ALK: variants seen among roughly 807,000 people sequenced by gnomAD.
The protein encoded by ALK is ALK receptor tyrosine kinase.
In ALK, 74 loss-of-function variants were observed where a neutral mutation model predicts 163.1. The ratio of observed to expected loss-of-function variants is 0.45; its 90% CI spans 0.38 to 0.55. The LOEUF is 0.55. ALK is among the 20% of genes least tolerant of loss of function. The pLI, the probability that ALK is intolerant of heterozygous loss-of-function variation, is 0.00. For missense variants in ALK, 2,063 were observed against 2,105.3 expected (o/e 0.98, Z 0.39); for synonymous variants, 960 against 843.2 (o/e 1.14, Z -2.40).
chr2:29,498,443 T>A (rs1453154226), intron 4 of ALK, among the ~76,000 whole-genome samples: 1 of 152,078 alleles, frequency 6.6e-6, no homozygotes, highest in African/African-American at 2.4e-5. Flanking sequence ...ATAGAGGAAA[T>A]TACTGATGCT....
At chr2:29,326,914 T>C (rs945309165) in intron 6 of ALK, among the ~76,000 whole-genome samples, 1 of 152,244 alleles carries the variant, frequency 6.6e-6, no homozygotes, top group Non-Finnish European at 1.5e-5. Flanking sequence ...GCTCCGGGTC[T>C]GGGCCCCACC....
chr2:29,719,742 GAAGTCC>G (rs1191358102), intron 1 of ALK, among the ~76,000 whole-genome samples: 1 of 152,142 alleles, frequency 6.6e-6, no homozygotes, highest in African/African-American at 2.4e-5. Flanking sequence ...AACTGACACT[GAAGTCC>G]AAGCTCCTTT....
intron 3 of ALK, among the ~76,000 whole-genome samples, chr2:29,666,264 G>A (rs565077193): frequency 5.3e-5 from 8 of 151,632 alleles, no homozygotes; most frequent in Non-Finnish European, 1.2e-4. Context: ...CTTAATATTT[G>A]TTCCACTATA....
At chr2:29,334,491 C>T (rs538715249) in intron 5 of ALK, among the ~76,000 whole-genome samples, 17 of 152,296 alleles carry the variant, frequency 1.1e-4, no homozygotes, top group Admixed American at 2.6e-4. Flanking sequence ...ATTCTTTATG[C>T]GGCCTCCAAG....
chr2:29,587,792 A>C (rs1674930813), intron 3 of ALK, among the ~76,000 whole-genome samples: 1 of 152,248 alleles, frequency 6.6e-6, no homozygotes, highest in Non-Finnish European at 1.5e-5. Context: ...AGCTAAAAAT[A>C]AAAATTAAAA....
intron 11 of ALK, among the ~76,000 whole-genome samples, chr2:29,264,465 G>A (rs983622071): frequency 2.6e-5 from 4 of 152,082 alleles, no homozygotes; most frequent in African/African-American, 7.2e-5. Context: ...CTATTTTCAC[G>A]GCATATCACT....
chr2:29,888,679 T>C (rs1402998856), intron 1 of ALK, among the ~76,000 whole-genome samples: 1 of 152,192 alleles, frequency 6.6e-6, no homozygotes, highest in Non-Finnish European at 1.5e-5. Flanking sequence ...TTCACAGAAG[T>C]AAAATTTGAT....
At chr2:29,743,964 A>T (rs1452205704) in intron 1 of ALK, among the ~76,000 whole-genome samples, 1 of 151,498 alleles carries the variant, frequency 6.6e-6, no homozygotes, top group Non-Finnish European at 1.5e-5. Context: ...AAATGCTTAG[A>T]CCATGTTTTT....
At chr2:29,916,188 T>C (rs993351252) in intron 1 of ALK, among the ~76,000 whole-genome samples, 2 of 151,758 alleles carry the variant, frequency 1.3e-5, no homozygotes, top group African/African-American at 4.8e-5. Flanking sequence ...TGGAATTCCA[T>C]TCCATAGTCA....
chr2:29,213,680 A>G (rs190997461), intron 24 of ALK, among the ~76,000 whole-genome samples: 9 of 152,298 alleles, frequency 5.9e-5, no homozygotes, highest in Admixed American at 1.3e-4. Context: ...ATAAGTTACC[A>G]TCTCAAAGAC....
intron 5 of ALK, among the ~76,000 whole-genome samples, chr2:29,378,642 T>C (rs897418519): frequency 6.6e-6 from 1 of 152,168 alleles, no homozygotes; most frequent in Non-Finnish European, 1.5e-5. Context: ...ATGGAAGAGC[T>C]AGATGAGGGT....
intron 2 of ALK, among the ~76,000 whole-genome samples, chr2:29,710,877 A>G (rs1679076736): frequency 1.3e-5 from 2 of 152,176 alleles, no homozygotes; most frequent in African/African-American, 4.8e-5. Flanking sequence ...ACCTGGGTTT[A>G]CAGCTCTCTA....
In ALK at chr2:29,197,585, T is replaced by C. The variant is rs764053092; in HGVS notation, c.4030A>G (p.Ser1344Gly). ...TTGGGTGGGTCCATCCGGCCTCCAC[T>C]GGTGACAAACTCCAGAACTTCCTGG... ...SNQEVLEFVT[S>G]GGRMDPPKNC... The change falls in exon 27 of 29, where the codon AGT becomes GGT. Residue 1344 changes from serine (S) to glycine (G), a missense_variant. Physicochemically the swap from Ser to Gly is moderately conservative, Grantham distance 56. Coordinates refer to ENST00000389048, the MANE Select transcript of ALK (RefSeq NM_004304.5). 1.1e-5 allele frequency: 17 copies of C among 1,613,766 alleles called. No homozygotes were observed.
intron 1 of ALK, among the ~76,000 whole-genome samples, chr2:29,827,953 T>C (rs968389427): frequency 2.0e-5 from 3 of 152,180 alleles, no homozygotes; most frequent in African/African-American, 7.2e-5. Flanking sequence ...AGCACGGTAC[T>C]GGTACCAAAA....
At chr2:29,738,659 A>C (rs1392569531) in intron 1 of ALK, among the ~76,000 whole-genome samples, 1 of 152,084 alleles carries the variant, frequency 6.6e-6, no homozygotes, top group Non-Finnish European at 1.5e-5. Flanking sequence ...TGAAATTTCA[A>C]ACAAGGACTA....
At chr2:29,334,701 A>G (rs1024418434) in intron 5 of ALK, among the ~76,000 whole-genome samples, 27 of 152,138 alleles carry the variant, frequency 1.8e-4, no homozygotes, top group Admixed American at 7.2e-4. Flanking sequence ...CAGCACTGCT[A>G]CCAACTCCGC....
rs141093002 is a variant in ALK at position 29,920,044 on chromosome 2, C to G, written c.616G>C (p.Ala206Pro). 1.2e-6 allele frequency: 2 copies of G among 1,614,070 alleles called. No homozygotes were observed. The highest frequency in any genetic ancestry group is 1.7e-5 in the Admixed American group (1 of 60,014). ...SEVGREGRLS[A>P]AIRASQPRLL... ...CGGGGCTGGGAGGCGCGAATTGCCG[C>G]GGACAGCCTTCCCTCTCTGCCCACT... is the stretch of plus-strand genomic sequence containing the variant. Residue 206 changes from alanine to proline, a missense_variant, in exon 1 of 29, where the codon GCG becomes CCG. Ala to Pro is a conservative substitution (Grantham distance 27). This residue lies in a region of ALK where 987 missense variants were observed against 939.5 expected (regional missense o/e 1.05). Coordinates refer to ENST00000389048, the MANE Select transcript of ALK (RefSeq NM_004304.5).
intron 5 of ALK, among the ~76,000 whole-genome samples, chr2:29,363,127 G>A (rs866924115): frequency 6.6e-6 from 1 of 152,144 alleles, no homozygotes; most frequent in Non-Finnish European, 1.5e-5. Context: ...GTAAAAGTGG[G>A]CAAGCCCCAG....
chr2:29,845,935 C>T (rs1347356775), intron 1 of ALK, among the ~76,000 whole-genome samples: 6 of 152,210 alleles, frequency 3.9e-5, no homozygotes, highest in African/African-American at 1.4e-4. Context: ...CAATGCACAA[C>T]TTTATTTCCC....
Sources: allele counts gnomAD v4.1 joint callset (sites outside exome capture counted in the v4.1 genomes callset), GRCh38; gene constraint gnomAD v4.1.1; regional missense constraint gnomAD v4.1.1; transcripts MANE v1.5; gene names NCBI Gene and HGNC (gene_info 2026-07-23, HGNC 2026-07-21).